Variants in EXOC4 observed in about 807,000 individuals in gnomAD.
The protein encoded by EXOC4 is SEC8-like 1.
In EXOC4, 71 loss-of-function variants were observed where a neutral mutation model predicts 107.2. The ratio of observed to expected loss-of-function variants is 0.66; its 90% confidence interval spans 0.55 to 0.81. The LOEUF (loss-of-function observed/expected upper bound fraction) is 0.81, where lower values mean the gene tolerates loss of function less well. Among genes scored for constraint, EXOC4 ranks in the 30% least tolerant of loss-of-function variants. The probability of loss-of-function intolerance (pLI) is 0.00; values close to 1 mark genes in which losing one functional copy is unlikely to be tolerated. For missense variants in EXOC4, 1,108 were observed against 1,189.6 expected (o/e 0.93, Z 1.01); for synonymous variants, 456 against 441.2 (o/e 1.03, Z -0.42).
chr7:133,582,570 C>T (rs1801303264), intron 9 of EXOC4, among the ~76,000 whole-genome samples: 2 of 151,664 alleles, frequency 1.3e-5, no homozygotes, highest in South Asian at 4.2e-4. Flanking sequence ...CTTATGGGGT[C>T]ACAATTGCTC....
intron 5 of EXOC4, among the ~76,000 whole-genome samples, chr7:133,323,518 G>T (rs989063018): frequency 1.3e-5 from 2 of 152,156 alleles, no homozygotes; most frequent in African/African-American, 4.8e-5. Context: ...TATGTTTATT[G>T]ATTTGTGTAT....
At chr7:133,471,626 C>G (rs1394276589) in intron 7 of EXOC4, among the ~76,000 whole-genome samples, 2 of 152,038 alleles carry the variant, frequency 1.3e-5, no homozygotes, top group Non-Finnish European at 2.9e-5. Flanking sequence ...GATTTTTGTA[C>G]TGAGGATTAA....
chr7:134,004,839 C>G lies in EXOC4; in HGVS notation c.2349-73C>G, dbSNP rs1485346481. 2.4e-5 allele frequency: 30 copies of G among 1,255,232 alleles called. No homozygotes were observed. The Admixed American group carries it at 6.5e-4, about 27-fold the overall frequency. 77.8% of individuals were successfully genotyped at this position (1,255,232 alleles called of 1,614,324 possible). A position where few individuals can be genotyped will look rare whatever the true frequency, so the allele number is the denominator to read the frequency against. On this transcript the variant is annotated intron_variant, in intron 15 of 17. Coordinates refer to ENST00000253861, the MANE Select transcript of EXOC4 (RefSeq NM_021807.4). ...TGATAATTTATTAGTTATTTTGGTG[C>G]TCTGTCCCAAGATCATTGCCCTCCC... is the stretch of plus-strand genomic sequence containing the variant.
chr7:133,349,669 T>A (rs947280937), intron 5 of EXOC4, among the ~76,000 whole-genome samples: 3 of 152,176 alleles, frequency 2.0e-5, no homozygotes, highest in Non-Finnish European at 4.4e-5. Context: ...CTGCCTGCAA[T>A]TCTTTAAGTG....
chr7:133,538,476 T>C (rs1800315785), intron 9 of EXOC4, among the ~76,000 whole-genome samples: 1 of 152,156 alleles, frequency 6.6e-6, no homozygotes, highest in Non-Finnish European at 1.5e-5. Context: ...ATATATGCTC[T>C]CAAGGAATTT....
chr7:133,613,528 C>T (rs1226776516), intron 9 of EXOC4, among the ~76,000 whole-genome samples: 1 of 151,948 alleles, frequency 6.6e-6, no homozygotes, highest in African/African-American at 2.4e-5. Flanking sequence ...CTTTGAATAA[C>T]TCCATGGAAC....
At position 133,630,160 on chromosome 7, in the gene EXOC4, T is replaced by C; in HGVS notation, c.1514+19T>C. On this transcript the variant is annotated intron_variant, in intron 10 of 17. Transcript: ENST00000253861. ...TACTAAGGTAAGTCAAGTGCTATGATATACTTACTGAAGATCAATATTTTC... is the reference window on the plus strand; with the variant it reads ...TACTAAGGTAAGTCAAGTGCTATGACATACTTACTGAAGATCAATATTTTC... 1 of 1,545,858 alleles carries C rather than the reference T, an allele frequency of 6.5e-7. No homozygotes were observed. Among genetic ancestry groups the C allele is most frequent in the East Asian group, 2.2e-5 (1 of 44,514 alleles).
chr7:133,857,856 C>T (rs776980133), intron 11 of EXOC4, among the ~76,000 whole-genome samples: 12 of 152,196 alleles, frequency 7.9e-5, no homozygotes, highest in Non-Finnish European at 1.3e-4. Context: ...ACCCACAGCT[C>T]GGCGGATCGG....
At chr7:133,519,465 G>A (rs1353640513) in intron 9 of EXOC4, among the ~76,000 whole-genome samples, 1 of 151,986 alleles carries the variant, frequency 6.6e-6, no homozygotes, top group African/African-American at 2.4e-5. Context: ...TGTTTGTGAA[G>A]ACTATTTAAT....
the EXOC4 span, among the ~76,000 whole-genome samples, chr7:134,073,406 C>T: frequency 6.6e-6 from 1 of 151,704 alleles, no homozygotes; most frequent in African/African-American, 2.4e-5. Flanking sequence ...TCAGTGTCTG[C>T]TTCCTTAAGC....
chr7:133,936,171 T>C (rs1023279980), intron 13 of EXOC4, among the ~76,000 whole-genome samples: 3 of 152,142 alleles, frequency 2.0e-5, no homozygotes. Flanking sequence ...TCAGATCAGA[T>C]TGGTGCACAC....
At chr7:133,882,014 T>A (rs1166770848) in intron 11 of EXOC4, among the ~76,000 whole-genome samples, 2 of 149,598 alleles carry the variant, frequency 1.3e-5, no homozygotes, top group Non-Finnish European at 3.0e-5. Flanking sequence ...CACACTGCTC[T>A]AAAAAAAAAA....
At chr7:133,462,784 G>A (rs899146331) in intron 7 of EXOC4, among the ~76,000 whole-genome samples, 8 of 152,116 alleles carry the variant, frequency 5.3e-5, no homozygotes, top group Non-Finnish European at 1.2e-4. Context: ...ATTTAGACAT[G>A]ATGGAAAGCC....
intron 7 of EXOC4, among the ~76,000 whole-genome samples, chr7:133,434,642 G>GA (rs1272377188): frequency 2.0e-5 from 3 of 152,152 alleles, no homozygotes; most frequent in Non-Finnish European, 4.4e-5. Flanking sequence ...ATTTGGTGCA[G>GA]AAAAAATCGG....
chr7:133,281,704 A>AT lies in EXOC4; in HGVS notation c.276+6549dup, dbSNP rs1029951425. On this transcript the variant is annotated intron_variant, in intron 2 of 17. Transcript: ENST00000253861. The stretch of plus-strand genomic sequence containing the variant: ...TCCAAATTCAGTACTTTTCTTTTCT[A>AT]TTTTTTTTTTTTTTTTGGAAAGAGT... 8.9e-3 allele frequency among the ~76,000 whole-genome samples: 1,115 copies of AT among 125,916 alleles called. 8 individuals carry two copies. Among genetic ancestry groups the AT allele is most frequent in the African/African-American group, 0.02 (683 of 34,150 alleles). 82.6% of individuals were successfully genotyped at this position (125,916 alleles called of 152,430 possible).
intron 9 of EXOC4, among the ~76,000 whole-genome samples, chr7:133,549,416 A>G (rs142033400): frequency 5.8e-4 from 88 of 152,034 alleles, no homozygotes; most frequent in African/African-American, 1.9e-3. Context: ...AAGCCGGAGG[A>G]GAGAGAGAGA....
chr7:133,632,775 G>A (rs1007145674), intron 10 of EXOC4, among the ~76,000 whole-genome samples: 1 of 152,016 alleles, frequency 6.6e-6, no homozygotes, highest in Non-Finnish European at 1.5e-5. Flanking sequence ...TTCAGATGTA[G>A]TTACTCTTAT....
intron 12 of EXOC4, among the ~76,000 whole-genome samples, chr7:133,900,200 C>T (rs560955904): frequency 6.6e-6 from 1 of 152,222 alleles, no homozygotes; most frequent in East Asian, 1.9e-4. Context: ...TTCTACCTTT[C>T]ATGTGCTCAT....
At chr7:133,799,378 G>A (rs541124669) in intron 10 of EXOC4, among the ~76,000 whole-genome samples, 1 of 152,292 alleles carries the variant, frequency 6.6e-6, no homozygotes, top group Non-Finnish European at 1.5e-5. Context: ...CCTGCATACT[G>A]TGGGACACAT....
Sources: gnomAD v4.1 joint callset for allele counts (sites outside exome capture counted in the v4.1 genomes callset) on GRCh38, gnomAD v4.1.1 for gene constraint, MANE v1.5 for transcripts, NCBI Gene and HGNC (gene_info 2026-07-23, HGNC 2026-07-21) for gene names.